DPP6: variants seen among roughly 807,000 people sequenced by gnomAD.
The protein encoded by DPP6 is A-type potassium channel modulatory protein DPP6.
Under a neutral mutation model 122.6 loss-of-function variants are expected in DPP6, and 69 were observed. That is an observed-to-expected ratio of 0.56 (90% CI 0.46 to 0.69). The LOEUF is 0.69. DPP6 is among the 30% of genes least tolerant of loss of function. DPP6 has a pLI of 0.00. For missense variants in DPP6, 928 were observed against 1,116.9 expected, an observed-to-expected ratio of 0.83 and a Z score of 2.41; for synonymous variants, 418 against 433.1, an observed-to-expected ratio of 0.97 and a Z score of 0.43.
intron 20 of DPP6, 174 bp downstream of exon 20, chr7:154,876,274 A>T: frequency 8.7e-7 from 1 of 1,152,302 alleles, no homozygotes; most frequent in Middle Eastern, 3.1e-4. Context: ...GAAACTTAGG[A>T]ATCTTCTCCT....
chr7:154,575,750 G>A (rs1172175772), intron 5 of DPP6, among the ~76,000 whole-genome samples: 1 of 147,782 alleles, frequency 6.8e-6, no homozygotes, highest in East Asian at 2.0e-4. Flanking sequence ...TGTGTGTGTG[G>A]TGTGTATGTA....
At chr7:154,505,718 A>G (rs549150114) in intron 3 of DPP6, among the ~76,000 whole-genome samples, 34 of 152,270 alleles carry the variant, frequency 2.2e-4, no homozygotes, top group African/African-American at 8.2e-4. Context: ...CTTTCTCATC[A>G]CATATCTAAG....
intron 5 of DPP6, among the ~76,000 whole-genome samples, chr7:154,614,117 C>T (rs964449112): frequency 2.0e-5 from 3 of 152,234 alleles, no homozygotes; most frequent in Admixed American, 6.5e-5. Context: ...TCTCTCTTTG[C>T]AGCTATTCTC....
intron 1 of DPP6, among the ~76,000 whole-genome samples, chr7:154,198,479 T>C (rs1798989782): frequency 6.6e-6 from 1 of 151,950 alleles, no homozygotes; most frequent in South Asian, 2.1e-4. Context: ...ACCTGGCTCA[T>C]TTTTTTGTAT....
intron 16 of DPP6, chr7:154,838,940 C>G (rs1053426771): frequency 6.6e-6 from 1 of 152,196 alleles, no homozygotes; most frequent in Non-Finnish European, 1.5e-5. Flanking sequence ...TAAAAGAATA[C>G]TCCTGTTGTT....
chr7:154,263,546 T>C (rs1309076745), intron 1 of DPP6, among the ~76,000 whole-genome samples: 1 of 152,170 alleles, frequency 6.6e-6, no homozygotes, highest in Non-Finnish European at 1.5e-5. Context: ...CACTAACAGG[T>C]TTCCATGAGA....
intron 1 of DPP6, among the ~76,000 whole-genome samples, chr7:154,293,689 C>G (rs1036376433): frequency 6.6e-6 from 1 of 152,156 alleles, no homozygotes; most frequent in African/African-American, 2.4e-5. Flanking sequence ...AACTGTGACC[C>G]TACTACCCTG....
At chr7:153,808,347 G>T in the DPP6 span, among the ~76,000 whole-genome samples, 3 of 150,830 alleles carry the variant, frequency 2.0e-5, no homozygotes, top group African/African-American at 7.3e-5. Context: ...GTGTTTGCAC[G>T]TGTGTGTGTG....
intron 8 of DPP6, among the ~76,000 whole-genome samples, chr7:154,756,105 C>T (rs1294296605): frequency 4.6e-5 from 7 of 152,194 alleles, no homozygotes; most frequent in African/African-American, 7.2e-5. Context: ...AAGAGTGAGC[C>T]GTTTGCTCTT....
At chr7:154,315,375 G>T (rs1189479993) in intron 1 of DPP6, among the ~76,000 whole-genome samples, 1 of 152,154 alleles carries the variant, frequency 6.6e-6, no homozygotes, top group African/African-American at 2.4e-5. Context: ...TGAACCAAAA[G>T]TATGTTGCTT....
At chr7:154,776,199 TGATAGATAGATA>T (rs5888595) in intron 10 of DPP6, among the ~76,000 whole-genome samples, 18 of 148,442 alleles carry the variant, frequency 1.2e-4, no homozygotes, top group South Asian at 2.2e-4. Flanking sequence ...CCATGATAGA[TGATAGATAGATA>T]GATAGATAGA....
chr7:154,474,713 G>A (rs1213970452), intron 2 of DPP6, among the ~76,000 whole-genome samples: 3 of 150,252 alleles, frequency 2.0e-5, no homozygotes, highest in African/African-American at 7.6e-5. Context: ...TGCAGGTGTG[G>A]GTGAGAAGGC....
intron 1 of DPP6, among the ~76,000 whole-genome samples, chr7:154,121,906 A>G (rs762630573): frequency 3.9e-4 from 60 of 152,186 alleles, no homozygotes; most frequent in Non-Finnish European, 5.6e-4. Context: ...TTCAACTATA[A>G]TATATATTAT....
chr7:154,020,722 C>T (rs1328331413), intron 1 of DPP6, among the ~76,000 whole-genome samples: 1 of 152,146 alleles, frequency 6.6e-6, no homozygotes, highest in Non-Finnish European at 1.5e-5. Flanking sequence ...AGCCCCAAAA[C>T]AGATCAGAGA....
chr7:153,819,927 T>C, the DPP6 span, among the ~76,000 whole-genome samples: 3 of 152,182 alleles, frequency 2.0e-5, no homozygotes, highest in Admixed American at 2.0e-4. Flanking sequence ...TATTCTCCTG[T>C]TGTTGGTATA....
intron 16 of DPP6, among the ~76,000 whole-genome samples, chr7:154,818,418 C>T (rs951302916): frequency 6.6e-6 from 1 of 152,152 alleles, no homozygotes. Context: ...CAGGCATGCC[C>T]TTTGCATGAT....
chr7:154,729,683 C>A (rs925954754), intron 8 of DPP6, among the ~76,000 whole-genome samples: 1 of 152,216 alleles, frequency 6.6e-6, no homozygotes, highest in Non-Finnish European at 1.5e-5. Context: ...CTCTAACAGA[C>A]ATACTGGAAC....
In DPP6 at chr7:154,710,702, G is replaced by C. The variant is rs542981470; in HGVS notation, c.763-17065G>C. ...TGCTTTCAGCAGGGTCTTCTAAAAGGTACGTCTACAAGGTTGCAGATTTGG... is the reference window on the plus strand; with the variant it reads ...TGCTTTCAGCAGGGTCTTCTAAAAGCTACGTCTACAAGGTTGCAGATTTGG... On this transcript the variant is annotated intron_variant, in intron 7 of 25. Coordinates refer to ENST00000377770, the MANE Select transcript of DPP6 (RefSeq NM_130797.4). Among the ~76,000 whole-genome samples the C allele has an allele frequency of 7.2e-5, 11 of 152,354 alleles. No individual in the cohort carries two copies. In the South Asian group the frequency reaches 1.9e-3, roughly 26 times the overall value.
intron 7 of DPP6, among the ~76,000 whole-genome samples, chr7:154,724,899 C>G (rs886355042): frequency 2.0e-5 from 3 of 152,158 alleles, no homozygotes; most frequent in Non-Finnish European, 4.4e-5. Context: ...GAACTGGACA[C>G]TTAAAATGGT....
Sources: gnomAD v4.1 joint callset for allele counts (sites outside exome capture counted in the v4.1 genomes callset) on GRCh38, gnomAD v4.1.1 for gene constraint, MANE v1.5 for transcripts, NCBI Gene and HGNC (gene_info 2026-07-23, HGNC 2026-07-21) for gene names.